C18orf63: variants seen among roughly 807,000 people sequenced by gnomAD.
C18orf63 encodes chromosome 18 open reading frame 63.
In C18orf63, 50 loss-of-function variants were observed where a neutral mutation model predicts 75.3. The observed-to-expected ratio is 0.66, with a 90% confidence interval of 0.53 to 0.84. The LOEUF (loss-of-function observed/expected upper bound fraction) is 0.84. C18orf63 is among the 40% of genes least tolerant of loss of function. The probability of loss-of-function intolerance (pLI) is 0.00; values close to 1 mark genes in which losing one functional copy is unlikely to be tolerated. For synonymous variants in C18orf63, 232 were observed against 267.6 expected, an observed-to-expected ratio of 0.87 and a Z score of 1.30; for missense variants, 732 against 800.2, an observed-to-expected ratio of 0.91 and a Z score of 1.03.
chr18:74,327,524 T>C (rs1379587316), intron 4 of C18orf63, among the ~76,000 whole-genome samples: 1 of 152,192 alleles, frequency 6.6e-6, no homozygotes, highest in African/African-American at 2.4e-5. Flanking sequence ...TTCATTTGCA[T>C]CTCGTTATTG....
intron 11 of C18orf63, among the ~76,000 whole-genome samples, chr18:74,351,151 C>T (rs1052774701): frequency 6.6e-5 from 10 of 152,164 alleles, no homozygotes; most frequent in Admixed American, 2.0e-4. Flanking sequence ...TTTTCAGCAT[C>T]GCCCCCAAAT....
At chr18:74,322,661 G>A in intron 3 of C18orf63, 37 bp from the exon 4 acceptor site, 1 of 750,380 alleles carries the variant, frequency 1.3e-6, no homozygotes, top group Non-Finnish European at 2.1e-6. Flanking sequence ...ATATATATAT[G>A]TTAAGTCCTT....
Position 74,351,924 on chromosome 18 carries a change from T to C in C18orf63, c.979-1322T>C, listed in dbSNP as rs143046641. Among the ~76,000 whole-genome samples the C allele has an allele frequency of 2.3e-3, 343 of 152,304 alleles. 5 individuals carry two copies. In the South Asian group the frequency reaches 0.04, roughly 18 times the overall value. On this transcript the variant is annotated intron_variant, in intron 11 of 13. Transcript: ENST00000579455. ...TGATGGGGAAAGTGAGAAAAGAACTTGGTGTTCAGTGTTTCAGGTTATTGC... is the reference window on the plus strand; with the variant it reads ...TGATGGGGAAAGTGAGAAAAGAACTCGGTGTTCAGTGTTTCAGGTTATTGC...
intron 7 of C18orf63, among the ~76,000 whole-genome samples, chr18:74,335,213 G>C (rs575820900): frequency 6.6e-6 from 1 of 152,242 alleles, no homozygotes; most frequent in Admixed American, 6.5e-5. Context: ...GCATTGACTG[G>C]AGTGAAAGAC....
Position 74,328,118 on chromosome 18 carries a change from T to C in C18orf63, c.382+60T>C, listed in dbSNP as rs1599002345. ...AACTAGATTACGTCTGTTATGTGTG[T>C]ATTAGTCTATTCTCATGCTGCTAAT... On this transcript the variant is annotated intron_variant, in intron 5 of 13. Coordinates refer to ENST00000579455, the MANE Select transcript of C18orf63 (RefSeq NM_001174123.2). The C allele has an allele frequency of 8.3e-6, 8 of 965,484 alleles. 1 individual carries two copies. In the South Asian group the frequency reaches 9.8e-5, roughly 12 times the overall value. 59.8% of individuals were successfully genotyped at this position (965,484 alleles called of 1,614,324 possible). A position where few individuals can be genotyped will look rare whatever the true frequency, so the allele number is the denominator to read the frequency against.
At chr18:74,347,448 T>C (rs1017401539) in intron 11 of C18orf63, among the ~76,000 whole-genome samples, 38 of 152,218 alleles carry the variant, frequency 2.5e-4, no homozygotes, top group Non-Finnish European at 3.7e-4. Context: ...GTATCTGTCA[T>C]TGGATTTGGG....
intron 7 of C18orf63, among the ~76,000 whole-genome samples, chr18:74,336,615 T>C (rs1370921455): frequency 6.6e-6 from 1 of 152,090 alleles, no homozygotes; most frequent in Non-Finnish European, 1.5e-5. Context: ...TTTCAGTAGC[T>C]TCAGCCTATA....
chr18:74,345,545 T>A (rs1010871537), intron 11 of C18orf63, among the ~76,000 whole-genome samples: 9 of 152,156 alleles, frequency 5.9e-5, no homozygotes, highest in African/African-American at 2.2e-4. Context: ...CAGTTGGAAT[T>A]TATTTTTGTA....
chr18:74,350,929 G>A (rs1210112077), intron 11 of C18orf63, among the ~76,000 whole-genome samples: 1 of 152,192 alleles, frequency 6.6e-6, no homozygotes, highest in Admixed American at 6.5e-5. Context: ...GGGTAGAGCT[G>A]TGCTAAACAG....
Position 74,327,998 on chromosome 18 carries a change from T to C in C18orf63, c.322T>C (p.Tyr108His). 1 of 1,535,802 alleles carries C rather than the reference T, an allele frequency of 6.5e-7. No homozygotes were observed. Among genetic ancestry groups the C allele is most frequent in the Non-Finnish European group, 8.7e-7 (1 of 1,146,586 alleles). Residue 108 changes from tyrosine to histidine, a missense_variant, in exon 5 of 14, where the codon TAT (tyrosine) becomes CAT (histidine). By Grantham distance (83) the Tyr-to-His change is moderately conservative. This residue lies in a region of C18orf63 where 233 missense variants were observed against 272.7 expected (regional missense o/e 0.85). Coordinates refer to ENST00000579455, the MANE Select transcript of C18orf63 (RefSeq NM_001174123.2). ...IPVILQNCLS[Y>H]SFMARLAPAW... ...TGTAATTCTTCAGAACTGCCTGTCA[T>C]ATTCATTCATGGCTAGACTTGCTCC...
chr18:74,343,203 T>C (rs1474104869), intron 10 of C18orf63, among the ~76,000 whole-genome samples: 1 of 152,190 alleles, frequency 6.6e-6, no homozygotes, highest in Admixed American at 6.5e-5. Flanking sequence ...ATAATACTTA[T>C]TTTGTAATTG....
chr18:74,339,480 T>G, intron 8 of C18orf63, among the ~76,000 whole-genome samples: 1 of 152,266 alleles, frequency 6.6e-6, no homozygotes, highest in Non-Finnish European at 1.5e-5. Flanking sequence ...GTAATTCTAG[T>G]TGTTAAAATA....
At chr18:74,340,896 C>T (rs1404001332) in intron 8 of C18orf63, among the ~76,000 whole-genome samples, 1 of 151,890 alleles carries the variant, frequency 6.6e-6, no homozygotes, top group East Asian at 1.9e-4. Flanking sequence ...TGAAAGGATA[C>T]AAAATTTCAG....
rs1450273919 is a variant in C18orf63, at chr18:74,327,984, A to G, written c.308A>G (p.Gln103Arg). ...CAAAGAGTAATTCCTGTAATTCTTC[A>G]GAACTGCCTGTCATATTCATTCATG... ...APQRVIPVIL[Q>R]NCLSYSFMAR... Residue 103 changes from glutamine to arginine, a missense_variant, in exon 5 of 14, where the codon CAG (glutamine) becomes CGG (arginine). Transcript: ENST00000579455. 6.5e-7 allele frequency: 1 copy of G among 1,535,708 alleles called. No homozygotes were observed.
In C18orf63 at chr18:74,353,626, T is replaced by C; in HGVS notation, c.1359T>C (p.Leu453=). Reference sequence around the variant, plus strand: ...AAATGAACAAAAATACCTCAGTACTTGGCAGCCCAAAAAGAAAACAGCATG... The same window carrying C: ...AAATGAACAAAAATACCTCAGTACTCGGCAGCCCAAAAAGAAAACAGCATG... ...LLQMNKNTSV[L]GSPKRKQHDV... Residue 453 remains leucine, a synonymous_variant, in exon 12 of 14, where the codon CTT becomes CTC. Transcript: ENST00000579455. 6.5e-7 allele frequency: 1 copy of C among 1,536,232 alleles called. No homozygotes were observed. Among genetic ancestry groups the C allele is most frequent in the South Asian group, 1.2e-5 (1 of 84,060 alleles).
At chr18:74,347,670 T>A (rs1984596143) in intron 11 of C18orf63, among the ~76,000 whole-genome samples, 1 of 152,188 alleles carries the variant, frequency 6.6e-6, no homozygotes, top group African/African-American at 2.4e-5. Context: ...ACCATATACA[T>A]GTTAACTCTA....
At position 74,353,688 on chromosome 18, in the gene C18orf63, G is replaced by T; in HGVS notation, c.1421G>T (p.Ser474Ile). The stretch of plus-strand genomic sequence containing the variant: ...TCTAAATTGTTTTCACTCAAAACTA[G>T]TATGATCCAGCATGACAAACTGAAT... ...TQSKLFSLKTSMIQHDKLNLG... is the reference protein window; with the variant it reads ...TQSKLFSLKTIMIQHDKLNLG... Residue 474 changes from serine (S) to isoleucine (I), a missense_variant, in exon 12 of 14, where the codon AGT becomes ATT. Transcript: ENST00000579455. 2 of 1,536,038 alleles carry T rather than the reference G, an allele frequency of 1.3e-6. No individual in the cohort carries two copies. Among genetic ancestry groups the T allele is most frequent in the Non-Finnish European group, 1.7e-6 (2 of 1,146,866 alleles).
chr18:74,339,120 T>A (rs946411513), intron 8 of C18orf63, among the ~76,000 whole-genome samples: 27 of 152,076 alleles, frequency 1.8e-4, no homozygotes, highest in African/African-American at 6.5e-4. Flanking sequence ...ATAATATTAA[T>A]AAAACCTCAT....
intron 11 of C18orf63, among the ~76,000 whole-genome samples, chr18:74,347,685 T>G (rs1984596527): frequency 6.6e-6 from 1 of 152,198 alleles, no homozygotes; most frequent in South Asian, 2.1e-4. Context: ...ACTCTAAGAT[T>G]CATGCAGTGT....
Sources: gnomAD v4.1 joint callset for allele counts (sites outside exome capture counted in the v4.1 genomes callset) on GRCh38, gnomAD v4.1.1 for gene constraint, gnomAD v4.1.1 regional missense constraint, MANE v1.5 for transcripts, NCBI Gene and HGNC (gene_info 2026-07-23, HGNC 2026-07-21) for gene names.